Variants in CHSY3 observed in about 807,000 individuals in gnomAD.
CHSY3 encodes the protein N-acetylgalactosaminyl-proteoglycan 3-beta-glucuronosyltransferase 3.
CHSY3 carries 35 observed loss-of-function variants against 67.2 expected under a neutral mutation model. The ratio of observed to expected loss-of-function variants is 0.52; its 90% CI spans 0.40 to 0.69. CHSY3 has a LOEUF of 0.69. Among genes scored for constraint, CHSY3 ranks in the 30% least tolerant of loss-of-function variants. The probability of loss-of-function intolerance (pLI) is 0.00; values close to 1 mark genes in which losing one functional copy is unlikely to be tolerated. For synonymous variants in CHSY3, 474 were observed against 434.7 expected (o/e 1.09, Z -1.12); for missense variants, 1,069 against 1,138.5 (o/e 0.94, Z 0.88).
intron 2 of CHSY3, among the ~76,000 whole-genome samples, chr5:129,956,712 A>C (rs1580578993): frequency 6.6e-6 from 1 of 152,116 alleles, no homozygotes; most frequent in East Asian, 1.9e-4. Flanking sequence ...CCATTTATTG[A>C]ATAGGGAGTA....
intron 2 of CHSY3, among the ~76,000 whole-genome samples, chr5:129,959,581 CAT>C (rs1762273156): frequency 6.6e-6 from 1 of 151,944 alleles, no homozygotes; most frequent in Non-Finnish European, 1.5e-5. Context: ...TAACAATAAA[CAT>C]ATATTTATGA....
At chr5:129,975,510 T>C (rs1762781244) in intron 2 of CHSY3, among the ~76,000 whole-genome samples, 1 of 152,144 alleles carries the variant, frequency 6.6e-6, no homozygotes, top group Non-Finnish European at 1.5e-5. Flanking sequence ...AGTTACTTCA[T>C]ATGTAACAAA....
chr5:130,149,976 A>G (rs1041006008), intron 2 of CHSY3, among the ~76,000 whole-genome samples: 1 of 152,246 alleles, frequency 6.6e-6, no homozygotes, highest in Non-Finnish European at 1.5e-5. Context: ...GATCACAGCT[A>G]TGTACAAATA....
chr5:130,143,818 A>ATATATATATGTGTGTG (rs1768986202), intron 2 of CHSY3, among the ~76,000 whole-genome samples: 1 of 116,724 alleles, frequency 8.6e-6, no homozygotes, highest in Non-Finnish European at 1.8e-5. Context: ...GTGTATATAT[A>ATATATATATGTGTGTG]TATATATATA....
chr5:130,018,429 T>A (rs1764274557), intron 2 of CHSY3, among the ~76,000 whole-genome samples: 1 of 152,178 alleles, frequency 6.6e-6, no homozygotes, highest in Non-Finnish European at 1.5e-5. Flanking sequence ...ACTTCATGAA[T>A]AACTTTGAAA....
chr5:130,184,326 C>A lies in CHSY3; in HGVS notation c.1184C>A (p.Pro395His). The A allele has an allele frequency of 6.2e-7, 1 of 1,614,086 alleles. No homozygotes were observed. The highest frequency in any genetic ancestry group is 8.5e-7 in the Non-Finnish European group (1 of 1,179,994). ...ATCCATGCAGCCATAACACTTCATC[C>A]CAACAAAAGGCCTGCATACCAATAC... ...SKIHAAITLHPNKRPAYQYRL... is the reference protein window; with the variant it reads ...SKIHAAITLHHNKRPAYQYRL... Residue 395 changes from proline to histidine, a missense_variant, in exon 3 of 3, where the codon CCC becomes CAC. Pro to His is a moderately conservative substitution (Grantham distance 77). Coordinates refer to ENST00000305031, the MANE Select transcript of CHSY3 (RefSeq NM_175856.5).
intron 2 of CHSY3, chr5:130,141,138 C>G: frequency 2.6e-6 from 1 of 379,624 alleles, no homozygotes; most frequent in Non-Finnish European, 5.1e-6. Flanking sequence ...GTTTATGGTA[C>G]AGCTGTCCAG....
chr5:130,135,923 T>C (rs1323379849), intron 2 of CHSY3, among the ~76,000 whole-genome samples: 2 of 152,248 alleles, frequency 1.3e-5, no homozygotes, highest in Non-Finnish European at 2.9e-5. Context: ...TTAAGAATGT[T>C]AATTTTCCTT....
chr5:130,003,914 G>A lies in CHSY3; in HGVS notation c.1086+95554G>A, dbSNP rs1284344131. Among the ~76,000 whole-genome samples, 3 of 152,114 alleles carry A rather than the reference G, an allele frequency of 2.0e-5. No individual in the cohort carries two copies. The East Asian group carries it at 5.8e-4, about 29-fold the overall frequency. On this transcript the variant is annotated intron_variant, in intron 2 of 2. Coordinates refer to ENST00000305031, the MANE Select transcript of CHSY3 (RefSeq NM_175856.5). ...GATGTCATGAATCAGCGTTTATCATGTATTTTGAATTGTTCTCAATATTTC... is the reference window on the plus strand; with the variant it reads ...GATGTCATGAATCAGCGTTTATCATATATTTTGAATTGTTCTCAATATTTC...
At chr5:129,953,314 CT>C (rs1483412684) in intron 2 of CHSY3, among the ~76,000 whole-genome samples, 1 of 152,042 alleles carries the variant, frequency 6.6e-6, no homozygotes, top group Non-Finnish European at 1.5e-5. Flanking sequence ...TGAACTCATC[CT>C]TTTTTATGTC....
At chr5:130,003,103 T>C (rs1763778889) in intron 2 of CHSY3, among the ~76,000 whole-genome samples, 1 of 152,190 alleles carries the variant, frequency 6.6e-6, no homozygotes, top group Non-Finnish European at 1.5e-5. Context: ...CAGATATGAC[T>C]GTTGTCCTGT....
At chr5:129,980,531 G>A (rs969680943) in intron 2 of CHSY3, among the ~76,000 whole-genome samples, 2 of 152,154 alleles carry the variant, frequency 1.3e-5, no homozygotes, top group African/African-American at 2.4e-5. Context: ...TTTATCAAAT[G>A]TGTCCTTTTC....
chr5:129,995,470 G>A (rs967661350), intron 2 of CHSY3, among the ~76,000 whole-genome samples: 34 of 151,050 alleles, frequency 2.3e-4, no homozygotes, highest in African/African-American at 7.8e-4. Context: ...AAAGAATGAT[G>A]TGATTCCAAA....
At chr5:130,129,042 T>C (rs1768394453) in intron 2 of CHSY3, among the ~76,000 whole-genome samples, 1 of 152,084 alleles carries the variant, frequency 6.6e-6, no homozygotes, top group Non-Finnish European at 1.5e-5. Context: ...ATTTATCTGC[T>C]CAATTCTAGT....
chr5:130,084,580 T>A (rs1271449833), intron 2 of CHSY3, among the ~76,000 whole-genome samples: 1 of 151,148 alleles, frequency 6.6e-6, no homozygotes, highest in Non-Finnish European at 1.5e-5. Flanking sequence ...AAGAGAGTAA[T>A]TGATCTTTTA....
intron 2 of CHSY3, among the ~76,000 whole-genome samples, chr5:130,082,765 T>C (rs934798066): frequency 1.3e-5 from 2 of 151,982 alleles, no homozygotes; most frequent in Non-Finnish European, 2.9e-5. Flanking sequence ...TGAGAAACAC[T>C]ATTTTCACAG....
At chr5:129,930,639 A>G (rs956747698) in intron 2 of CHSY3, among the ~76,000 whole-genome samples, 5 of 151,942 alleles carry the variant, frequency 3.3e-5, no homozygotes, top group Non-Finnish European at 5.9e-5. Context: ...CACCTACATC[A>G]AAGCTGTAGA....
chr5:129,969,981 T>C (rs1206305068), intron 2 of CHSY3, among the ~76,000 whole-genome samples: 1 of 151,834 alleles, frequency 6.6e-6, no homozygotes, highest in Non-Finnish European at 1.5e-5. Flanking sequence ...AATTCCAGGC[T>C]ATTTCCTGAA....
intron 2 of CHSY3, among the ~76,000 whole-genome samples, chr5:130,107,822 C>T (rs1243228733): frequency 1.3e-5 from 2 of 151,556 alleles, no homozygotes; most frequent in African/African-American, 4.8e-5. Flanking sequence ...CCACCCTGCC[C>T]CACAATCACT....
Sources: allele counts gnomAD v4.1 joint callset (sites outside exome capture counted in the v4.1 genomes callset), GRCh38; gene constraint gnomAD v4.1.1; transcripts MANE v1.5; gene names NCBI Gene and HGNC (gene_info 2026-07-23, HGNC 2026-07-21).